The following CDH4 variants were observed in gnomAD, a reference collection of about 807,000 sequenced individuals.
The protein encoded by CDH4 is cadherin 4.
A neutral mutation model predicts 86.0 loss-of-function variants in CDH4; 33 were observed. The observed-to-expected ratio is 0.38, with a 90% CI of 0.29 to 0.51. The LOEUF (loss-of-function observed/expected upper bound fraction) is 0.51. Ranked by LOEUF, CDH4 falls within the 20% of genes least tolerant of loss-of-function variation. The probability of loss-of-function intolerance (pLI) is 0.86; values close to 1 mark genes in which losing one functional copy is unlikely to be tolerated. For missense variants in CDH4, 1,114 were observed against 1,307.4 expected, an observed-to-expected ratio of 0.85 and a Z score of 2.28; for synonymous variants, 555 against 549.4, an observed-to-expected ratio of 1.01 and a Z score of -0.14.
rs972230899 is a variant in CDH4 at position 61,938,827 on chromosome 20, C to T, written c.*1884C>T. 1 of 152,420 alleles carries T rather than the reference C, an allele frequency of 6.6e-6. No homozygotes were observed. The highest frequency in any genetic ancestry group is 2.4e-5 in the African/African-American group (1 of 41,482). The allele number at this position is 152,420 out of a possible 1,614,324, so 9.4% of individuals were successfully genotyped here. A position where few individuals can be genotyped will look rare whatever the true frequency, so the allele number is the denominator to read the frequency against. ...TTGTCCAAACCAAACTCACAGCTGC[C>T]CCTGTGCAGCCTTCAGAGTTGAGCT... On this transcript the variant is annotated 3_prime_UTR_variant, in exon 16 of 16. Transcript: ENST00000614565.
chr20:61,744,074 C>T (rs1600939090), intron 3 of CDH4, among the ~76,000 whole-genome samples: 1 of 152,208 alleles, frequency 6.6e-6, no homozygotes, highest in African/African-American at 2.4e-5. Flanking sequence ...AACAAGGGGC[C>T]CCAAATTTTC....
intron 2 of CDH4, among the ~76,000 whole-genome samples, chr20:61,584,825 C>G (rs529024491): frequency 6.6e-6 from 1 of 150,774 alleles, no homozygotes. Flanking sequence ...GGCTAACGCA[C>G]GGGGCGCGCT....
chr20:61,815,414 G>T (rs1365544323), intron 4 of CDH4, among the ~76,000 whole-genome samples: 3 of 152,220 alleles, frequency 2.0e-5, no homozygotes, highest in Non-Finnish European at 4.4e-5. Flanking sequence ...GGTGAGCGGG[G>T]AAGCCGCCCG....
chr20:61,358,782 A>T (rs1276450390), intron 2 of CDH4, among the ~76,000 whole-genome samples: 1 of 152,200 alleles, frequency 6.6e-6, no homozygotes. Flanking sequence ...ATTCCCACCC[A>T]GGGAACAGTC....
chr20:61,858,740 A>G (rs1301332775), intron 6 of CDH4, among the ~76,000 whole-genome samples: 1 of 152,186 alleles, frequency 6.6e-6, no homozygotes, highest in Non-Finnish European at 1.5e-5. Flanking sequence ...GGTCGTATCC[A>G]TAGCTCGTTC....
chr20:61,632,862 A>ACCCC (rs2086906348), intron 2 of CDH4, among the ~76,000 whole-genome samples: 1 of 22,680 alleles, frequency 4.4e-5, no homozygotes, highest in Non-Finnish European at 8.7e-5. Context: ...CCTCCCACCC[A>ACCCC]CTCACTTCTC....
chr20:61,635,835 G>T (rs2086941017), intron 2 of CDH4, among the ~76,000 whole-genome samples: 1 of 151,988 alleles, frequency 6.6e-6, no homozygotes, highest in Non-Finnish European at 1.5e-5. Flanking sequence ...CCCAGAGCCT[G>T]CCCGCCCATA....
intron 2 of CDH4, among the ~76,000 whole-genome samples, chr20:61,638,035 A>AAAAAAAAAT (rs1343831402): frequency 6.6e-6 from 1 of 152,050 alleles, no homozygotes; most frequent in East Asian, 1.9e-4. Context: ...CCGTCTAAAA[A>AAAAAAAAAT]AAAAATGAAG....
intron 2 of CDH4, among the ~76,000 whole-genome samples, chr20:61,325,600 A>T (rs1473548983): frequency 1.3e-5 from 2 of 151,850 alleles, no homozygotes; most frequent in Non-Finnish European, 2.9e-5. Context: ...ACAGCATTTG[A>T]GTTCTTGGAG....
intron 2 of CDH4, among the ~76,000 whole-genome samples, chr20:61,545,188 C>T (rs1043371044): frequency 1.3e-5 from 2 of 152,258 alleles, no homozygotes; most frequent in African/African-American, 4.8e-5. Flanking sequence ...TGGCTGTTTA[C>T]TGCTCCCATG....
At chr20:61,488,695 A>G (rs947291783) in intron 2 of CDH4, among the ~76,000 whole-genome samples, 4 of 152,236 alleles carry the variant, frequency 2.6e-5, no homozygotes, top group African/African-American at 9.6e-5. Flanking sequence ...TGCCCTTGTT[A>G]TCAAGCCATA....
rs528970840 is a variant in CDH4 at position 61,801,882 on chromosome 20, C to T, written c.576+28700C>T. ...CCAGGATGGGCCTCATCTCAAGATC[C>T]TTCACTCCATCACGTCTGCAAACTC... On this transcript the variant is annotated intron_variant, in intron 4 of 15. Transcript: ENST00000614565. Among the ~76,000 whole-genome samples, 9 of 152,348 alleles carry T rather than the reference C, an allele frequency of 5.9e-5. 1 individual carries two copies. In the South Asian group the frequency reaches 1.9e-3, roughly 32 times the overall value.
chr20:61,427,090 C>T (rs2085219245), intron 2 of CDH4, among the ~76,000 whole-genome samples: 1 of 152,208 alleles, frequency 6.6e-6, no homozygotes, highest in Non-Finnish European at 1.5e-5. Flanking sequence ...GTAAATACAT[C>T]ACAGGCTGAC....
At chr20:61,794,772 A>C (rs962548340) in intron 4 of CDH4, among the ~76,000 whole-genome samples, 2 of 152,150 alleles carry the variant, frequency 1.3e-5, no homozygotes, top group Admixed American at 6.6e-5. Context: ...GCATGATCAC[A>C]CAGTCCCGCA....
intron 2 of CDH4, among the ~76,000 whole-genome samples, chr20:61,671,255 G>T (rs778722464): frequency 6.6e-6 from 1 of 152,174 alleles, no homozygotes; most frequent in East Asian, 1.9e-4. Flanking sequence ...ACCTTGGGAG[G>T]CCAAGGCAGG....
intron 2 of CDH4, among the ~76,000 whole-genome samples, chr20:61,334,861 G>A (rs1016052355): frequency 2.6e-5 from 4 of 152,222 alleles, no homozygotes; most frequent in African/African-American, 7.2e-5. Flanking sequence ...GGTGCTGGAT[G>A]TGCTGAGAAA....
At chr20:61,277,944 T>C (rs979576844) in intron 2 of CDH4, among the ~76,000 whole-genome samples, 11 of 152,216 alleles carry the variant, frequency 7.2e-5, no homozygotes, top group Middle Eastern at 3.2e-3. Context: ...CGATCGGGCC[T>C]AATGGGCCCT....
intron 2 of CDH4, among the ~76,000 whole-genome samples, chr20:61,668,266 T>C (rs1460560345): frequency 1.3e-5 from 2 of 152,198 alleles, no homozygotes; most frequent in East Asian, 1.9e-4. Flanking sequence ...GGTGTGTGCA[T>C]GTGGGTGGAT....
intron 2 of CDH4, among the ~76,000 whole-genome samples, chr20:61,653,844 G>A (rs1453400102): frequency 7.6e-6 from 1 of 131,986 alleles, no homozygotes; most frequent in East Asian, 2.2e-4. Context: ...GGGCAGAGAC[G>A]CTCCTCACTT....
Sources: allele counts gnomAD v4.1 joint callset (sites outside exome capture counted in the v4.1 genomes callset), GRCh38; gene constraint gnomAD v4.1.1; transcripts MANE v1.5; gene names NCBI Gene and HGNC (gene_info 2026-07-23, HGNC 2026-07-21).